SNX4: variants seen among roughly 807,000 people sequenced by gnomAD.
SNX4 encodes the protein sorting nexin 4.
In SNX4, 49 loss-of-function variants were observed where a neutral mutation model predicts 70.8. The ratio of observed to expected loss-of-function variants is 0.69; its 90% confidence interval spans 0.55 to 0.88. The LOEUF is 0.88. Ranked by LOEUF, SNX4 falls within the 40% of genes least tolerant of loss-of-function variation. The pLI is 0.00. For synonymous variants in SNX4, 206 were observed against 183.8 expected, an observed-to-expected ratio of 1.12 and a Z score of -0.98; for missense variants, 528 against 544.8, an observed-to-expected ratio of 0.97 and a Z score of 0.31.
Position 125,495,275 on chromosome 3 carries a change from T to TATATATATATATATACAC in SNX4, c.597+2065_597+2066insGTGTATATATATATATAT. ...TTATATATATATATATATATATATA[T>TATATATATATATATACAC]ATACACATACACACACACACACGTA... On this transcript the variant is annotated intron_variant, in intron 5 of 13. Coordinates refer to ENST00000251775, the MANE Select transcript of SNX4 (RefSeq NM_003794.4). Among the ~76,000 whole-genome samples, 33 of 83,050 alleles carry TATATATATATATATACAC rather than the reference T, an allele frequency of 4.0e-4. 1 individual carries two copies. Among genetic ancestry groups the TATATATATATATATACAC allele is most frequent in the African/African-American group, 6.9e-4 (19 of 27,580 alleles). 54.5% of individuals were successfully genotyped at this position (83,050 alleles called of 152,430 possible). A position where few individuals can be genotyped will look rare whatever the true frequency, so the allele number is the denominator to read the frequency against.
chr3:125,466,568 T>G, intron 9 of SNX4, among the ~76,000 whole-genome samples: 1 of 151,658 alleles, frequency 6.6e-6, no homozygotes, highest in African/African-American at 2.4e-5. Flanking sequence ...CTGACAAAGG[T>G]TTAATATCCA....
chr3:125,453,643 C>T (rs987202752), intron 12 of SNX4, among the ~76,000 whole-genome samples, 167 bp downstream of exon 12: 1 of 151,942 alleles, frequency 6.6e-6, no homozygotes, highest in Non-Finnish European at 1.5e-5. Context: ...GCCACCACAC[C>T]CAGCGTGATA....
chr3:125,494,910 C>G (rs1335890411), intron 5 of SNX4, among the ~76,000 whole-genome samples: 1 of 152,154 alleles, frequency 6.6e-6, no homozygotes, highest in East Asian at 1.9e-4. Context: ...GTGTGACTCA[C>G]ATACCACTGC....
At position 125,451,761 on chromosome 3, in the gene SNX4, G is replaced by C. The variant is rs1435318141; in HGVS notation, c.1191-342C>G. 2.6e-5 allele frequency among the ~76,000 whole-genome samples: 4 copies of C among 151,974 alleles called. No individual in the cohort carries two copies. The South Asian group carries it at 6.2e-4, about 24-fold the overall frequency. On this transcript the variant is annotated intron_variant, in intron 12 of 13. Transcript: ENST00000251775. Reference sequence around the variant, plus strand: ...CCTGCCTTAGCCTCCTGAGTAGCTGGGATTACAGGCACACGCCACTACGCC... The same window carrying C: ...CCTGCCTTAGCCTCCTGAGTAGCTGCGATTACAGGCACACGCCACTACGCC...
intron 8 of SNX4, among the ~76,000 whole-genome samples, chr3:125,473,930 A>G (rs762664912): frequency 2.0e-5 from 3 of 152,214 alleles, no homozygotes; most frequent in Non-Finnish European, 4.4e-5. Context: ...CTTTATATAT[A>G]CAACTCATAT....
At chr3:125,510,019 T>C (rs1935137622) in intron 1 of SNX4, among the ~76,000 whole-genome samples, 1 of 152,006 alleles carries the variant, frequency 6.6e-6, no homozygotes, top group Admixed American at 6.6e-5. Flanking sequence ...GAATGTAAAA[T>C]GGTGCAGCTG....
chr3:125,471,003 C>CT (rs1377269048), intron 8 of SNX4, among the ~76,000 whole-genome samples: 2 of 152,154 alleles, frequency 1.3e-5, no homozygotes, highest in Non-Finnish European at 2.9e-5. Flanking sequence ...AGTCCTGTAT[C>CT]TACCAGTCCC....
intron 9 of SNX4, among the ~76,000 whole-genome samples, chr3:125,464,263 T>C (rs542639245): frequency 7.9e-5 from 12 of 152,264 alleles, no homozygotes; most frequent in South Asian, 4.1e-4. Context: ...AAATGGTAAA[T>C]TGGTCATCAA....
At chr3:125,484,953 C>A (rs1039092726) in intron 6 of SNX4, among the ~76,000 whole-genome samples, 1 of 152,034 alleles carries the variant, frequency 6.6e-6, no homozygotes, top group Non-Finnish European at 1.5e-5. Flanking sequence ...GTAATCCCAG[C>A]TACTTGGGAG....
intron 6 of SNX4, among the ~76,000 whole-genome samples, chr3:125,483,945 G>A (rs1290437222): frequency 6.6e-6 from 1 of 152,164 alleles, no homozygotes; most frequent in African/African-American, 2.4e-5. Context: ...TGTTCTTAGA[G>A]AAATATTAAA....
At position 125,495,277 on chromosome 3, in the gene SNX4, T is replaced by TATATATATATATATATATACAC; in HGVS notation, c.597+2063_597+2064insGTGTATATATATATATATATAT. ...ATATATATATATATATATATATATA[T>TATATATATATATATATATACAC]ACACATACACACACACACACGTATG... is the stretch of plus-strand genomic sequence containing the variant. On this transcript the variant is annotated intron_variant, in intron 5 of 13. Coordinates refer to ENST00000251775, the MANE Select transcript of SNX4 (RefSeq NM_003794.4). 9.1e-3 allele frequency among the ~76,000 whole-genome samples: 904 copies of TATATATATATATATATATACAC among 99,360 alleles called. 55 individuals are homozygous for TATATATATATATATATATACAC. Among genetic ancestry groups the TATATATATATATATATATACAC allele is most frequent in the South Asian group, 0.019 (53 of 2,812 alleles). 65.2% of individuals were successfully genotyped at this position (99,360 alleles called of 152,430 possible). A position where few individuals can be genotyped will look rare whatever the true frequency, so the allele number is the denominator to read the frequency against.
chr3:125,483,202 C>T (rs897009392), intron 6 of SNX4, among the ~76,000 whole-genome samples: 9 of 150,888 alleles, frequency 6.0e-5, no homozygotes, highest in East Asian at 3.9e-4. Flanking sequence ...TAACTGTGAG[C>T]GGCTTTCTTT....
intron 2 of SNX4, among the ~76,000 whole-genome samples, chr3:125,503,605 C>G (rs560242593): frequency 6.6e-6 from 1 of 152,266 alleles, no homozygotes; most frequent in African/African-American, 2.4e-5. Context: ...TAACTCCCAA[C>G]TGTCCTAAGA....
At chr3:125,457,570 TTC>T (rs2107527609) in intron 10 of SNX4, among the ~76,000 whole-genome samples, 1 of 146,498 alleles carries the variant, frequency 6.8e-6, no homozygotes, top group African/African-American at 2.6e-5. Context: ...ACTTCATATA[TTC>T]TTTTTTTTTT....
intron 1 of SNX4, 87 bp from the exon 2 acceptor site, chr3:125,504,831 T>C: frequency 7.2e-7 from 1 of 1,389,508 alleles, no homozygotes; most frequent in Non-Finnish European, 9.7e-7. Flanking sequence ...ATTAAACCCA[T>C]TATTGGGTTT....
At chr3:125,480,189 T>G (rs771636716) in intron 7 of SNX4, 58 bp downstream of exon 7, 4 of 1,063,454 alleles carry the variant, frequency 3.8e-6, no homozygotes, top group Non-Finnish European at 5.4e-6. Flanking sequence ...AACAGAATGA[T>G]TACATGAGAA....
intron 9 of SNX4, among the ~76,000 whole-genome samples, chr3:125,468,181 G>A (rs553561819): frequency 3.3e-5 from 5 of 152,288 alleles, no homozygotes; most frequent in African/African-American, 1.2e-4. Context: ...TTATAAGTGG[G>A]AGTTAAACAT....
intron 1 of SNX4, among the ~76,000 whole-genome samples, chr3:125,505,866 C>G (rs925763336): frequency 1.3e-5 from 2 of 152,112 alleles, no homozygotes; most frequent in Non-Finnish European, 2.9e-5. Flanking sequence ...GAGGCTGAGG[C>G]AGGTGGATCA....
intron 1 of SNX4, among the ~76,000 whole-genome samples, chr3:125,505,350 G>T (rs1304480210): frequency 1.3e-5 from 2 of 152,192 alleles, no homozygotes; most frequent in Non-Finnish European, 2.9e-5. Flanking sequence ...AGTGGAGTAG[G>T]AAGCACCAGG....
Sources: allele counts gnomAD v4.1 joint callset (sites outside exome capture counted in the v4.1 genomes callset), GRCh38; gene constraint gnomAD v4.1.1; transcripts MANE v1.5; gene names NCBI Gene and HGNC (gene_info 2026-07-23, HGNC 2026-07-21).